IMMP2L: variants seen among roughly 807,000 people sequenced by gnomAD.
IMMP2L encodes the protein inner mitochondrial membrane peptidase subunit 2, also known as mitochondrial inner membrane protease subunit 2.
Under a neutral mutation model 19.3 loss-of-function variants are expected in IMMP2L, and 18 were observed. The ratio of observed to expected loss-of-function variants is 0.93; its 90% CI spans 0.64 to 1.38. The LOEUF (loss-of-function observed/expected upper bound fraction) is 1.38, where lower values mean the gene tolerates loss of function less well. IMMP2L is among the 40% of genes most tolerant of loss of function. The pLI is 0.00. For missense variants in IMMP2L, 233 were observed against 218.2 expected (o/e 1.07, Z -0.43); for synonymous variants, 76 against 73.0 (o/e 1.04, Z -0.21).
At chr7:111,194,896 T>C (rs1181129445) in intron 3 of IMMP2L, among the ~76,000 whole-genome samples, 1 of 152,142 alleles carries the variant, frequency 6.6e-6, no homozygotes, top group East Asian at 1.9e-4. Context: ...TTTCCAGTTT[T>C]TTTGCAATGT....
chr7:111,499,463 T>C (rs965956943), intron 2 of IMMP2L, among the ~76,000 whole-genome samples: 1 of 152,176 alleles, frequency 6.6e-6, no homozygotes, highest in Non-Finnish European at 1.5e-5. Flanking sequence ...ATTCATGATA[T>C]GCATCAGGTC....
chr7:110,950,294 G>A (rs1279181612), intron 4 of IMMP2L, among the ~76,000 whole-genome samples: 1 of 152,056 alleles, frequency 6.6e-6, no homozygotes, highest in Non-Finnish European at 1.5e-5. Context: ...TTCTCTCAGT[G>A]TCTCTATTCT....
chr7:111,469,445 T>C (rs903127780), intron 3 of IMMP2L, among the ~76,000 whole-genome samples: 7 of 152,134 alleles, frequency 4.6e-5, no homozygotes, highest in African/African-American at 1.7e-4. Flanking sequence ...CAGTGGTTTG[T>C]AGTTCTCCTT....
chr7:111,160,213 G>GA (rs1169753645), intron 3 of IMMP2L, among the ~76,000 whole-genome samples: 5 of 152,060 alleles, frequency 3.3e-5, no homozygotes, highest in African/African-American at 1.2e-4. Context: ...TGTAATTTAT[G>GA]AAAGTATGCC....
chr7:111,549,907 C>T (rs987689451), intron 1 of IMMP2L, among the ~76,000 whole-genome samples: 21 of 150,144 alleles, frequency 1.4e-4, no homozygotes, highest in African/African-American at 4.7e-4. Flanking sequence ...CGTCATAGCA[C>T]TCCAGCCTGG....
chr7:111,549,283 A>T (rs1199115738), intron 1 of IMMP2L, among the ~76,000 whole-genome samples: 1 of 152,186 alleles, frequency 6.6e-6, no homozygotes, highest in Non-Finnish European at 1.5e-5. Flanking sequence ...TTCACATAGG[A>T]TTCTTACAAA....
rs1305934494 is a variant in IMMP2L at position 111,446,398 on chromosome 7, C to T, written c.239+40840G>A. Among the ~76,000 whole-genome samples the T allele has an allele frequency of 5.4e-5, 8 of 148,026 alleles. No individual in the cohort carries two copies. In the East Asian group the frequency reaches 1.2e-3, roughly 21 times the overall value. ...CTGCCTCCTCAAGTGGGTCCCTGACCCCTGACCCCCGAGCAGCCTAACTGG... is the reference window on the plus strand; with the variant it reads ...CTGCCTCCTCAAGTGGGTCCCTGACTCCTGACCCCCGAGCAGCCTAACTGG... On this transcript the variant is annotated intron_variant, in intron 3 of 5. Coordinates refer to ENST00000405709, the MANE Select transcript of IMMP2L (RefSeq NM_032549.4).
chr7:111,228,349 T>A (rs1813330279), intron 3 of IMMP2L, among the ~76,000 whole-genome samples: 1 of 151,764 alleles, frequency 6.6e-6, no homozygotes, highest in Non-Finnish European at 1.5e-5. Flanking sequence ...TCTATTTCTA[T>A]CAATTTGTAT....
chr7:110,776,379 C>T (rs546670398), intron 5 of IMMP2L, among the ~76,000 whole-genome samples: 1 of 152,070 alleles, frequency 6.6e-6, no homozygotes, highest in African/African-American at 2.4e-5. Flanking sequence ...CTCTACGTTC[C>T]ATGAACGAGA....
intron 2 of IMMP2L, among the ~76,000 whole-genome samples, chr7:111,500,877 A>C (rs1844156542): frequency 6.6e-6 from 1 of 152,178 alleles, no homozygotes; most frequent in African/African-American, 2.4e-5. Context: ...TGGGGGAAAA[A>C]CAGAGCAGAA....
intron 3 of IMMP2L, among the ~76,000 whole-genome samples, chr7:111,139,125 A>G (rs951867546): frequency 6.6e-6 from 1 of 152,154 alleles, no homozygotes; most frequent in Non-Finnish European, 1.5e-5. Context: ...ACCAAAAAAA[A>G]GGAATAAGCC....
chr7:110,915,880 T>C (rs1813557013), intron 4 of IMMP2L, among the ~76,000 whole-genome samples: 1 of 152,204 alleles, frequency 6.6e-6, no homozygotes, highest in South Asian at 2.1e-4. Flanking sequence ...CATTGTAGAC[T>C]ATTTGTGAAA....
intron 3 of IMMP2L, among the ~76,000 whole-genome samples, chr7:111,466,829 A>G (rs1585220831): frequency 6.6e-6 from 1 of 152,154 alleles, no homozygotes; most frequent in African/African-American, 2.4e-5. Flanking sequence ...TGTAACAACT[A>G]TTTACATAGC....
At chr7:111,026,119 T>G (rs527315983) in intron 3 of IMMP2L, among the ~76,000 whole-genome samples, 1 of 152,224 alleles carries the variant, frequency 6.6e-6, no homozygotes, top group African/African-American at 2.4e-5. Flanking sequence ...TTTTTAAAAA[T>G]AAAATAGAAT....
At chr7:111,355,567 T>C (rs1290439002) in intron 3 of IMMP2L, among the ~76,000 whole-genome samples, 1 of 151,758 alleles carries the variant, frequency 6.6e-6, no homozygotes, top group African/African-American at 2.4e-5. Flanking sequence ...TTAAGAGCAA[T>C]TTTGAAAACT....
chr7:111,521,339 C>G lies in IMMP2L; in HGVS notation c.109G>C (p.Ala37Pro), dbSNP rs779195073. 1 of 1,613,064 alleles carries G rather than the reference C, an allele frequency of 6.2e-7. No individual in the cohort carries two copies. The highest frequency in any genetic ancestry group is 8.5e-7 in the Non-Finnish European group (1 of 1,179,356). ...TGCATCGATGCTCCTTCTACTCTTG[C>G]CACACAGGCGACCCGATCCAAGAAA... ...VTFLDRVACV[A>P]RVEGASMQPS... The change falls in exon 2 of 6, where the codon GCA becomes CCA. Residue 37 changes from alanine to proline, a missense_variant. Ala to Pro is a conservative substitution (Grantham distance 27, BLOSUM62 -1). Transcript: ENST00000405709.
At chr7:111,500,976 T>G (rs1464551099) in intron 2 of IMMP2L, among the ~76,000 whole-genome samples, 1 of 152,082 alleles carries the variant, frequency 6.6e-6, no homozygotes, top group Non-Finnish European at 1.5e-5. Flanking sequence ...GGACGGAGAA[T>G]GACTTTGACG....
chr7:111,417,978 T>C (rs746103276), intron 3 of IMMP2L, among the ~76,000 whole-genome samples: 1 of 151,828 alleles, frequency 6.6e-6, no homozygotes, highest in Non-Finnish European at 1.5e-5. Flanking sequence ...AAAATCTTCC[T>C]AACCATAGTA....
intron 3 of IMMP2L, among the ~76,000 whole-genome samples, chr7:111,241,759 C>T (rs1034382846): frequency 6.6e-6 from 1 of 151,112 alleles, no homozygotes; most frequent in African/African-American, 2.4e-5. Flanking sequence ...CACTTTTCCA[C>T]CAAGGAAGAA....
Sources: allele counts gnomAD v4.1 joint callset (sites outside exome capture counted in the v4.1 genomes callset), GRCh38; gene constraint gnomAD v4.1.1; transcripts MANE v1.5; gene names NCBI Gene and HGNC (gene_info 2026-07-23, HGNC 2026-07-21).